The following FBN1 variants were observed in gnomAD, a reference collection of about 807,000 sequenced individuals.
FBN1 encodes the protein fibrillin 1.
In FBN1, 29 loss-of-function variants were observed where a neutral mutation model predicts 365.1. That is an observed-to-expected ratio of 0.08 (90% CI 0.06 to 0.11). The LOEUF is 0.11. Ranked by LOEUF, FBN1 falls within the 10% of genes least tolerant of loss-of-function variation. The pLI is 1.00. For missense variants in FBN1, 2,476 were observed against 3,703.2 expected, an observed-to-expected ratio of 0.67 and a Z score of 8.60; for synonymous variants, 1,210 against 1,270.5, an observed-to-expected ratio of 0.95 and a Z score of 1.01.
At chr15:48,470,157 A>G (rs2043359044) in intron 36 of FBN1, among the ~76,000 whole-genome samples, 2 of 152,162 alleles carry the variant, frequency 1.3e-5, no homozygotes, top group Non-Finnish European at 2.9e-5. Context: ...GCTCAACAAG[A>G]AAATGATTTA....
At chr15:48,505,002 G>A (rs185372440) in intron 16 of FBN1, 23 bp downstream of exon 16, 1 of 1,614,008 alleles carries the variant, frequency 6.2e-7, no homozygotes, top group Non-Finnish European at 8.5e-7. Flanking sequence ...TCTCTCATAA[G>A]GTTAGCCATG....
chr15:48,438,193 C>A (rs907807506), intron 50 of FBN1, among the ~76,000 whole-genome samples: 3 of 152,096 alleles, frequency 2.0e-5, no homozygotes, highest in Middle Eastern at 3.2e-3. Context: ...CCAATAAAAT[C>A]CAAAACTGAC....
intron 48 of FBN1, 143 bp from the exon 49 acceptor site, chr15:48,444,803 A>T: frequency 2.3e-6 from 2 of 883,866 alleles, no homozygotes. Context: ...GGAGAAAAAT[A>T]AGCAATAATA....
At chr15:48,434,316 C>A (rs142958312) in intron 54 of FBN1, among the ~76,000 whole-genome samples, 1 of 152,088 alleles carries the variant, frequency 6.6e-6, no homozygotes, top group Non-Finnish European at 1.5e-5. Flanking sequence ...TTAAACAACA[C>A]GGAAGCATCT....
intron 50 of FBN1, among the ~76,000 whole-genome samples, chr15:48,440,187 A>G (rs1019548603): frequency 3.9e-5 from 6 of 152,194 alleles, no homozygotes; most frequent in African/African-American, 1.4e-4. Flanking sequence ...GTCCATCTGC[A>G]AAGAGCCCTT....
At chr15:48,434,464 A>C (rs1597523566) in intron 54 of FBN1, 130 bp downstream of exon 54, 4 of 1,103,524 alleles carry the variant, frequency 3.6e-6, no homozygotes, top group African/African-American at 3.1e-5. Context: ...GAATGATCAA[A>C]TGGCCCATCA....
At chr15:48,453,449 A>G (rs1336439898) in intron 44 of FBN1, among the ~76,000 whole-genome samples, 1 of 152,192 alleles carries the variant, frequency 6.6e-6, no homozygotes, top group Non-Finnish European at 1.5e-5. Flanking sequence ...GGAAAAGGCA[A>G]AACTCTGGAG....
chr15:48,541,743 T>TTC lies in FBN1; in HGVS notation c.539-3936_539-3935insGA, dbSNP rs1555401894. Among the ~76,000 whole-genome samples, 49 of 148,342 alleles carry TTC rather than the reference T, an allele frequency of 3.3e-4. No individual in the cohort carries two copies. In the East Asian group the frequency reaches 7.1e-3, roughly 21 times the overall value. ...TTACATACTCTTTTTTTTTTTTTTTTCAGATAGTCTCAGCATTAGACAGGG... is the reference window on the plus strand; with the variant it reads ...TTACATACTCTTTTTTTTTTTTTTTTTCCAGATAGTCTCAGCATTAGACAGGG... On this transcript the variant is annotated intron_variant, in intron 6 of 65. Coordinates refer to ENST00000316623, the MANE Select transcript of FBN1 (RefSeq NM_000138.5).
chr15:48,532,476 ATGTG>A (rs149675514), intron 8 of FBN1, among the ~76,000 whole-genome samples: 2 of 148,932 alleles, frequency 1.3e-5, no homozygotes, highest in Non-Finnish European at 3.0e-5. Flanking sequence ...GTGTGTGTAT[ATGTG>A]TGTGTGTGTG....
In FBN1 at chr15:48,467,947, C is replaced by T. The variant is rs794728230; in HGVS notation, c.4738G>A (p.Val1580Met). 8 of 1,613,420 alleles carry T rather than the reference C, an allele frequency of 5.0e-6. No homozygotes were observed. The highest frequency in any genetic ancestry group is 1.3e-5 in the African/African-American group (1 of 74,906). ...WGTPCEMCPA[V>M]NTSEYKILCP... ...GAGGATGTCCACTTACATGTGTTCA[C>T]AGCAGGACACATCTCACAAGGAGTA... The change falls in exon 38 of 66, where the codon GTG becomes ATG. Residue 1580 changes from valine to methionine, a missense_variant. Val to Met is a conservative substitution (Grantham distance 21, BLOSUM62 1). This residue lies in a region of FBN1 where 1,780 missense variants were observed against 2,840.8 expected (regional missense o/e 0.63). Transcript: ENST00000316623.
At chr15:48,534,859 C>A (rs2044001950) in intron 7 of FBN1, among the ~76,000 whole-genome samples, 1 of 152,194 alleles carries the variant, frequency 6.6e-6, no homozygotes, top group African/African-American at 2.4e-5. Context: ...GCAGACTTAC[C>A]TTGCTGGCAC....
chr15:48,600,533 G>A lies in FBN1; in HGVS notation c.347-299C>T, dbSNP rs145186646. The stretch of plus-strand genomic sequence containing the variant: ...AGCCTGGCCAACATGGTGGAACCCC[G>A]TCCCTACTAAAAATACAAAAATTAG... On this transcript the variant is annotated intron_variant, in intron 4 of 65. Coordinates refer to ENST00000316623, the MANE Select transcript of FBN1 (RefSeq NM_000138.5). Among the ~76,000 whole-genome samples, 194 of 152,172 alleles carry A rather than the reference G, an allele frequency of 1.3e-3. 1 individual carries two copies. The highest frequency in any genetic ancestry group is 4.5e-3 in the African/African-American group (187 of 41,528).
At chr15:48,496,349 T>G (rs1457287464) in intron 19 of FBN1, 124 bp from the exon 20 acceptor site, 18 of 1,172,562 alleles carry the variant, frequency 1.5e-5, no homozygotes, top group Non-Finnish European at 2.2e-5. Context: ...AAGGCAAAAC[T>G]CCTGTAGCAT....
Position 48,634,351 on chromosome 15 carries a change from C to T in FBN1, c.164+10255G>A, listed in dbSNP as rs149935999. ...GCATCCAAGTGTCTTTCTTTTATGT[C>T]CTGACTCTCCTCCATAAGCTCTCTG... is the stretch of plus-strand genomic sequence containing the variant. On this transcript the variant is annotated intron_variant, in intron 2 of 65. Transcript: ENST00000316623. 1.9e-3 allele frequency among the ~76,000 whole-genome samples: 295 copies of T among 152,270 alleles called. 1 individual carries two copies. Among genetic ancestry groups the T allele is most frequent in the African/African-American group, 6.8e-3 (283 of 41,566 alleles).
chr15:48,421,810 A>G, intron 61 of FBN1, 124 bp from the exon 62 acceptor site: 2 of 1,220,290 alleles, frequency 1.6e-6, no homozygotes, highest in Non-Finnish European at 2.4e-6. Context: ...CTTCACATAC[A>G]TGTACAGGTG....
chr15:48,593,445 A>C (rs537917737), intron 6 of FBN1, among the ~76,000 whole-genome samples: 41 of 152,282 alleles, frequency 2.7e-4, no homozygotes, highest in Admixed American at 1.3e-3. Flanking sequence ...CATCCCTGTT[A>C]ACTGAAAAAT....
intron 2 of FBN1, chr15:48,644,368 TCAA>T (rs1218627367): frequency 1.1e-5 from 7 of 611,880 alleles, no homozygotes; most frequent in Non-Finnish European, 1.2e-5. Context: ...AAAATCTGCC[TCAA>T]CAATGGCCCA....
intron 2 of FBN1, among the ~76,000 whole-genome samples, chr15:48,619,559 A>T (rs1412353512): frequency 6.6e-6 from 1 of 151,946 alleles, no homozygotes; most frequent in Non-Finnish European, 1.5e-5. Flanking sequence ...ATTTAGAATT[A>T]AATGTTTTGT....
chr15:48,491,565 A>T (rs2043558609), intron 24 of FBN1, among the ~76,000 whole-genome samples: 1 of 152,036 alleles, frequency 6.6e-6, no homozygotes, highest in Admixed American at 6.5e-5. Flanking sequence ...GTTAGCAAAG[A>T]TGGTCTCGAT....
Sources: gnomAD v4.1 joint callset for allele counts (sites outside exome capture counted in the v4.1 genomes callset) on GRCh38, gnomAD v4.1.1 for gene constraint, gnomAD v4.1.1 regional missense constraint, MANE v1.5 for transcripts, NCBI Gene and HGNC (gene_info 2026-07-23, HGNC 2026-07-21) for gene names.